The following SPATA16 variants were observed in gnomAD, a reference collection of about 807,000 sequenced individuals.
SPATA16 encodes spermatogenesis-associated protein 16.
SPATA16 carries 36 observed loss-of-function variants against 63.3 expected under a neutral mutation model. The observed-to-expected ratio is 0.57, with a 90% CI of 0.44 to 0.75. The LOEUF is 0.75. Ranked by LOEUF, SPATA16 falls within the 30% of genes least tolerant of loss-of-function variation. The probability of loss-of-function intolerance (pLI) is 0.00; values close to 1 mark genes in which losing one functional copy is unlikely to be tolerated. For missense variants in SPATA16, 646 were observed against 679.3 expected (o/e 0.95, Z 0.54); for synonymous variants, 203 against 216.7 (o/e 0.94, Z 0.56).
At chr3:173,138,695 A>G (rs1179755020) in intron 1 of SPATA16, among the ~76,000 whole-genome samples, 4 of 152,118 alleles carry the variant, frequency 2.6e-5, no homozygotes, top group South Asian at 2.1e-4. Context: ...AACCATGTCA[A>G]TTTTCCACTT....
At chr3:173,065,451 G>C (rs1377533234) in intron 2 of SPATA16, among the ~76,000 whole-genome samples, 4 of 152,068 alleles carry the variant, frequency 2.6e-5, no homozygotes, top group Non-Finnish European at 1.5e-5. Flanking sequence ...GAGCAAGATG[G>C]CCAAATAGAA....
chr3:173,108,046 A>G (rs1737660187), intron 2 of SPATA16, among the ~76,000 whole-genome samples: 1 of 152,316 alleles, frequency 6.6e-6, no homozygotes, highest in East Asian at 1.9e-4. Context: ...ATTAACATTT[A>G]CTGTCATTTG....
chr3:172,925,539 A>G (rs749313389), intron 6 of SPATA16, 47 bp from the exon 7 acceptor site: 6 of 1,612,968 alleles, frequency 3.7e-6, no homozygotes, highest in Non-Finnish European at 5.1e-6. Context: ...TATGGTTTTA[A>G]TATTTTTAGG....
chr3:172,895,917 G>GT (rs1553778620), intron 10 of SPATA16, among the ~76,000 whole-genome samples: 2 of 152,052 alleles, frequency 1.3e-5, no homozygotes, highest in Non-Finnish European at 2.9e-5. Flanking sequence ...TTGTTTGAAC[G>GT]TAAGTCTTTA....
chr3:173,053,027 A>G (rs1204134272), intron 2 of SPATA16, among the ~76,000 whole-genome samples: 3 of 152,182 alleles, frequency 2.0e-5, no homozygotes, highest in African/African-American at 2.4e-5. Flanking sequence ...TCTTATGAGT[A>G]TAGCTGTTGT....
Position 172,976,856 on chromosome 3 carries a change from G to A in SPATA16, c.933+112C>T. 6 of 834,488 alleles carry A rather than the reference G, an allele frequency of 7.2e-6. 1 individual carries two copies. In the South Asian group the frequency reaches 8.3e-5, roughly 12 times the overall value. The allele number at this position is 834,488 out of a possible 1,614,324, so 51.7% of individuals were successfully genotyped here. A position where few individuals can be genotyped will look rare whatever the true frequency, so the allele number is the denominator to read the frequency against. ...CATTATTATTCAGTACCTTCTTTCTGATTGATATGCCCAGAGCTACCTTTT... is the reference window on the plus strand; with the variant it reads ...CATTATTATTCAGTACCTTCTTTCTAATTGATATGCCCAGAGCTACCTTTT... On this transcript the variant is annotated intron_variant, in intron 5 of 10. Transcript: ENST00000351008.
At chr3:172,890,695 T>A (rs1036629217) in intron 10 of SPATA16, among the ~76,000 whole-genome samples, 6 of 150,422 alleles carry the variant, frequency 4.0e-5, no homozygotes, top group Non-Finnish European at 7.4e-5. Flanking sequence ...GTAGCACTCA[T>A]CCATATGTTA....
At chr3:172,953,496 A>G (rs1297186873) in intron 6 of SPATA16, among the ~76,000 whole-genome samples, 1 of 152,192 alleles carries the variant, frequency 6.6e-6, no homozygotes, top group Admixed American at 6.5e-5. Flanking sequence ...GAGTGGCTCT[A>G]GTTTGGGCCA....
chr3:173,090,551 C>T (rs1041744929), intron 2 of SPATA16, among the ~76,000 whole-genome samples: 6 of 152,050 alleles, frequency 3.9e-5, no homozygotes, highest in African/African-American at 1.4e-4. Flanking sequence ...TAATTTTATC[C>T]TTTTTTTGCA....
intron 3 of SPATA16, among the ~76,000 whole-genome samples, chr3:173,035,822 G>A (rs1327229061): frequency 6.6e-6 from 1 of 151,962 alleles, no homozygotes; most frequent in East Asian, 1.9e-4. Context: ...CCTTTTCACT[G>A]TATTGACATT....
At chr3:172,936,684 T>A (rs1733002014) in intron 6 of SPATA16, among the ~76,000 whole-genome samples, 1 of 151,926 alleles carries the variant, frequency 6.6e-6, no homozygotes, top group Non-Finnish European at 1.5e-5. Flanking sequence ...GCCTGGGACT[T>A]TATTTATTTA....
chr3:172,929,294 G>A (rs1166574621), intron 6 of SPATA16, among the ~76,000 whole-genome samples: 1 of 152,130 alleles, frequency 6.6e-6, no homozygotes, highest in Non-Finnish European at 1.5e-5. Context: ...CAAAGTGGAT[G>A]CTTTAGAAAA....
intron 4 of SPATA16, among the ~76,000 whole-genome samples, chr3:173,002,722 G>A (rs1222080414): frequency 1.3e-5 from 2 of 152,136 alleles, no homozygotes; most frequent in Non-Finnish European, 2.9e-5. Flanking sequence ...TGGTGCAATA[G>A]ACAAATAAAT....
intron 2 of SPATA16, among the ~76,000 whole-genome samples, chr3:173,093,691 C>T (rs905329677): frequency 9.9e-5 from 15 of 152,074 alleles, no homozygotes; most frequent in Non-Finnish European, 8.8e-5. Flanking sequence ...ATTGGGCCAT[C>T]GCTATTGTAT....
intron 9 of SPATA16, 26 bp from the exon 10 acceptor site, chr3:172,913,770 A>G (rs781289475): frequency 6.3e-7 from 1 of 1,592,866 alleles, no homozygotes; most frequent in Non-Finnish European, 8.6e-7. Context: ...AAAAATTATC[A>G]GTGTGGAATT....
In SPATA16 at chr3:173,088,007, CGTCTTTCTTTCTTTCTTTCTTTCT is replaced by C. The variant is rs1476189215; in HGVS notation, c.612+29089_612+29112del. On this transcript the variant is annotated intron_variant, in intron 2 of 10. Transcript: ENST00000351008. ...AATCTGATGATTAGCATTTTCTTTCCGTCTTTCTTTCTTTCTTTCTTTCTTTCTTTCTTTCTTTCTTTCTTTCTT... is the reference window on the plus strand; with the variant it reads ...AATCTGATGATTAGCATTTTCTTTCCTTCTTTCTTTCTTTCTTTCTTTCTT... Among the ~76,000 whole-genome samples, 86 of 118,372 alleles carry C rather than the reference CGTCTTTCTTTCTTTCTTTCTTTCT, an allele frequency of 7.3e-4. 3 individuals carry two copies. The highest frequency in any genetic ancestry group is 2.5e-3 in the African/African-American group (71 of 28,568). 77.7% of individuals were successfully genotyped at this position (118,372 alleles called of 152,430 possible). A position where few individuals can be genotyped will look rare whatever the true frequency, so the allele number is the denominator to read the frequency against.
intron 8 of SPATA16, among the ~76,000 whole-genome samples, chr3:172,921,099 A>C (rs151189288): frequency 5.4e-4 from 79 of 145,084 alleles, no homozygotes; most frequent in Non-Finnish European, 9.4e-4. Context: ...ATGGAGTCTC[A>C]CTACGTTGTC....
intron 2 of SPATA16, among the ~76,000 whole-genome samples, chr3:173,097,978 G>A (rs1456129127): frequency 1.3e-5 from 2 of 152,052 alleles, no homozygotes; most frequent in African/African-American, 2.4e-5. Flanking sequence ...AATGCTGCAG[G>A]GCATATTGTA....
chr3:173,021,177 C>T (rs192209572), intron 3 of SPATA16, among the ~76,000 whole-genome samples: 41 of 152,226 alleles, frequency 2.7e-4, no homozygotes, highest in Admixed American at 1.5e-3. Flanking sequence ...TGAGATGGAT[C>T]GACTGTATAA....
Sources: allele counts gnomAD v4.1 joint callset (sites outside exome capture counted in the v4.1 genomes callset), GRCh38; gene constraint gnomAD v4.1.1; transcripts MANE v1.5; gene names NCBI Gene and HGNC (gene_info 2026-07-23, HGNC 2026-07-21).